TANGO2: variants seen among roughly 807,000 people sequenced by gnomAD.
TANGO2 encodes the protein transport and Golgi organization protein 2 homolog.
A neutral mutation model predicts 39.1 loss-of-function variants in TANGO2; 26 were observed. The ratio of observed to expected loss-of-function variants is 0.67; its 90% confidence interval spans 0.49 to 0.92. The LOEUF is 0.92. TANGO2 is among the 40% of genes least tolerant of loss of function. TANGO2 has a pLI of 0.00. For missense variants in TANGO2, 326 were observed against 360.1 expected, an observed-to-expected ratio of 0.91 and a Z score of 0.77; for synonymous variants, 131 against 144.5, an observed-to-expected ratio of 0.91 and a Z score of 0.67.
chr22:20,024,932 T>C (rs1339990211), intron 1 of TANGO2, among the ~76,000 whole-genome samples: 2 of 152,056 alleles, frequency 1.3e-5, no homozygotes, highest in Non-Finnish European at 2.9e-5. Context: ...CCAGGGCTGA[T>C]TGGGTCTTCT....
chr22:20,035,549 G>C (rs1324018102), intron 1 of TANGO2, among the ~76,000 whole-genome samples: 5 of 152,226 alleles, frequency 3.3e-5, no homozygotes, highest in Admixed American at 3.3e-4. Flanking sequence ...TGCCTGCTCT[G>C]GGCCCCAGAG....
At chr22:20,018,754 C>T (rs1330501365), upstream of TANGO2, among the ~76,000 whole-genome samples, 3 of 152,166 alleles carry the variant, frequency 2.0e-5, no homozygotes, top group Non-Finnish European at 4.4e-5. Context: ...GTCCAGCAGT[C>T]GGCCCATTAG....
intron 6 of TANGO2, 158 bp downstream of exon 6, chr22:20,056,171 C>G (rs1239417895): frequency 2.8e-6 from 2 of 717,820 alleles, no homozygotes; most frequent in Admixed American, 2.0e-5. Context: ...TGCCCTGCAC[C>G]TGGACACTTC....
intron 1 of TANGO2, among the ~76,000 whole-genome samples, chr22:20,031,391 T>G (rs933998970): frequency 7.9e-5 from 12 of 152,204 alleles, no homozygotes; most frequent in African/African-American, 2.9e-4. Context: ...TCTTTTCTTG[T>G]CCTGGCTCAG....
At chr22:20,055,562 G>C in intron 5 of TANGO2, 1 of 323,006 alleles carries the variant, frequency 3.1e-6, no homozygotes, top group Non-Finnish European at 5.9e-6. Context: ...TCATAGATGA[G>C]CTGTGGTAAG....
intron 3 of TANGO2, among the ~76,000 whole-genome samples, chr22:20,043,837 G>C (rs1380117371): frequency 1.3e-5 from 2 of 152,136 alleles, no homozygotes; most frequent in Non-Finnish European, 2.9e-5. Context: ...GTGTGCCTGT[G>C]TTTGTGTTTC....
intron 3 of TANGO2, among the ~76,000 whole-genome samples, chr22:20,049,994 A>G (rs114302692): frequency 0.056 from 8,496 of 152,114 alleles, 353 homozygotes; most frequent in African/African-American, 0.096. Flanking sequence ...CGATCATGAG[A>G]TCAGGAGACC....
intron 3 of TANGO2, chr22:20,048,337 C>T (rs1156880135): frequency 1.3e-5 from 2 of 152,234 alleles, no homozygotes; most frequent in Non-Finnish European, 2.9e-5. Flanking sequence ...TTGTAAGTTT[C>T]CTGAGGCCTC....
rs1366714488 is a variant in TANGO2, at chr22:20,053,488, TGAA to T, written c.322_324del (p.Lys108del). 1 of 1,613,980 alleles carries T rather than the reference TGAA, an allele frequency of 6.2e-7. No homozygotes were observed. ...ACTGACGTGGACAGCTTGTCCTACC[TGAA>T]GAAGGTCTCTATGGAGGGCCATCTG... On this transcript the variant is annotated inframe_deletion, in exon 5 of 9. Coordinates refer to ENST00000327374, the MANE Select transcript of TANGO2 (RefSeq NM_152906.7).
intron 1 of TANGO2, among the ~76,000 whole-genome samples, chr22:20,023,910 G>A (rs1248802572): frequency 2.6e-5 from 4 of 151,412 alleles, no homozygotes; most frequent in Admixed American, 2.0e-4. Context: ...GGCCCGGCAC[G>A]GTGGCTCACA....
chr22:20,036,739 AGT>A lies in TANGO2; in HGVS notation c.-39-18_-39-17del. ...TGAGTGTCTGCCATCCGCTCAACTC[AGT>A]GTTTTCCTTTTCCCGCAGACCTCGC... On this transcript the variant is annotated intron_variant, in intron 1 of 8. Transcript: ENST00000327374. The A allele has an allele frequency of 1.2e-6, 2 of 1,605,444 alleles. No individual in the cohort carries two copies. The highest frequency in any genetic ancestry group is 2.2e-5 in the South Asian group (2 of 90,902).
At position 20,049,768 on chromosome 22, in the gene TANGO2, C is replaced by G. The variant is rs149178492; in HGVS notation, c.146-2697C>G. Reference sequence around the variant, plus strand: ...CTTTGCATATGCATAGATATTTCAGCCAGTCTGTTAATTGCTATAAAACGA... The same window carrying G: ...CTTTGCATATGCATAGATATTTCAGGCAGTCTGTTAATTGCTATAAAACGA... On this transcript the variant is annotated intron_variant, in intron 3 of 8. Coordinates refer to ENST00000327374, the MANE Select transcript of TANGO2 (RefSeq NM_152906.7). Among the ~76,000 whole-genome samples the G allele has an allele frequency of 2.0e-4, 30 of 152,128 alleles. No individual in the cohort carries two copies. The East Asian group carries it at 5.2e-3, about 26-fold the overall frequency.
intron 2 of TANGO2, among the ~76,000 whole-genome samples, chr22:20,038,288 G>A (rs1265413312): frequency 6.6e-6 from 1 of 152,194 alleles, no homozygotes; most frequent in African/African-American, 2.4e-5. Flanking sequence ...CGAGACAATA[G>A]TGTCTGTTGT....
intron 2 of TANGO2, among the ~76,000 whole-genome samples, chr22:20,039,610 CAG>C (rs1480579959): frequency 1.3e-5 from 2 of 151,842 alleles, no homozygotes; most frequent in African/African-American, 2.4e-5. Flanking sequence ...GCCTGGATGA[CAG>C]AGTGAGACTC....
chr22:20,063,691 C>A, intron 8 of TANGO2: 1 of 428,770 alleles, frequency 2.3e-6, no homozygotes, highest in South Asian at 5.4e-5. Flanking sequence ...TCAGGGCTGC[C>A]TGCACATTGG....
intron 1 of TANGO2, among the ~76,000 whole-genome samples, chr22:20,031,085 C>G (rs1012343869): frequency 5.3e-5 from 8 of 152,052 alleles, no homozygotes; most frequent in African/African-American, 1.7e-4. Context: ...CTAGTCCCAG[C>G]TATTTGAGAG....
intron 1 of TANGO2, among the ~76,000 whole-genome samples, chr22:20,025,843 T>C (rs933702622): frequency 6.6e-5 from 10 of 152,128 alleles, no homozygotes; most frequent in African/African-American, 1.9e-4. Flanking sequence ...GAAGGTTCTT[T>C]GAATAGCCAA....
At chr22:20,031,507 T>G (rs2041864110) in intron 1 of TANGO2, among the ~76,000 whole-genome samples, 1 of 152,234 alleles carries the variant, frequency 6.6e-6, no homozygotes, top group African/African-American at 2.4e-5. Context: ...TCTTGAAGTA[T>G]GGCTCCTCTC....
intron 4 of TANGO2, 43 bp from the exon 5 acceptor site, chr22:20,053,394 C>A (rs1375440559): frequency 1.1e-5 from 16 of 1,391,312 alleles, no homozygotes; most frequent in Non-Finnish European, 1.6e-5. Context: ...GAGAAGAGCA[C>A]ATGCCTGCAG....
Sources: gnomAD v4.1 joint callset for allele counts (sites outside exome capture counted in the v4.1 genomes callset) on GRCh38, gnomAD v4.1.1 for gene constraint, MANE v1.5 for transcripts, NCBI Gene and HGNC (gene_info 2026-07-23, HGNC 2026-07-21) for gene names.